Variants in EYA4 observed in about 807,000 individuals in gnomAD.
The protein encoded by EYA4 is protein phosphatase EYA4.
A neutral mutation model predicts 87.9 loss-of-function variants in EYA4; 31 were observed. The observed-to-expected ratio is 0.35, with a 90% CI of 0.27 to 0.48. The LOEUF (loss-of-function observed/expected upper bound fraction) is 0.48, where lower values mean the gene tolerates loss of function less well. EYA4 is among the 20% of genes least tolerant of loss of function. The pLI is 0.99. For synonymous variants in EYA4, 263 were observed against 270.6 expected (o/e 0.97, Z 0.28); for missense variants, 678 against 761.4 (o/e 0.89, Z 1.29).
chr6:133,421,925 T>C (rs2128562024), intron 3 of EYA4, among the ~76,000 whole-genome samples: 1 of 152,346 alleles, frequency 6.6e-6, no homozygotes. Context: ...AATGGGGTTT[T>C]GAAGATATGA....
chr6:133,435,307 T>C (rs1343555227), intron 3 of EYA4: 1 of 152,306 alleles, frequency 6.6e-6, no homozygotes, highest in Non-Finnish European at 1.5e-5. Context: ...TCACTTGCAC[T>C]GCAAGCACTC....
intron 2 of EYA4, among the ~76,000 whole-genome samples, chr6:133,310,788 A>G (rs1181358378): frequency 1.3e-5 from 2 of 152,206 alleles, no homozygotes; most frequent in African/African-American, 2.4e-5. Context: ...CAAAAATCCA[A>G]AAATGGATTT....
At chr6:133,252,427 A>T (rs528508267) in intron 1 of EYA4, among the ~76,000 whole-genome samples, 14 of 152,294 alleles carry the variant, frequency 9.2e-5, no homozygotes, top group Admixed American at 5.2e-4. Context: ...TACATGTAAA[A>T]ACTCTCTTTT....
At chr6:133,443,041 C>T (rs1271483990) in intron 3 of EYA4, among the ~76,000 whole-genome samples, 1 of 151,710 alleles carries the variant, frequency 6.6e-6, no homozygotes, top group African/African-American at 2.4e-5. Flanking sequence ...TAAATATTTT[C>T]TCATCTATGT....
At chr6:133,435,856 C>T (rs111346291) in intron 3 of EYA4, among the ~76,000 whole-genome samples, 21,092 of 151,998 alleles carry the variant, frequency 0.14, 2,239 homozygotes, top group East Asian at 0.31. Context: ...CACACACAGA[C>T]ACAAACATGT....
chr6:133,424,426 T>C (rs1310340007), intron 3 of EYA4, among the ~76,000 whole-genome samples: 3 of 152,112 alleles, frequency 2.0e-5, no homozygotes, highest in African/African-American at 7.2e-5. Flanking sequence ...CTGCCATTCA[T>C]GGCCCTGGTC....
chr6:133,384,259 C>G (rs1786506404), intron 3 of EYA4, among the ~76,000 whole-genome samples: 1 of 152,036 alleles, frequency 6.6e-6, no homozygotes, highest in Non-Finnish European at 1.5e-5. Context: ...TCTTTTTTAT[C>G]TAGAAAATCC....
chr6:133,487,915 G>C (rs1005400873), intron 13 of EYA4, among the ~76,000 whole-genome samples: 6 of 152,138 alleles, frequency 3.9e-5, no homozygotes, highest in Non-Finnish European at 7.3e-5. Flanking sequence ...GTGGGATAGG[G>C]CACCAAGTCG....
At chr6:133,250,603 T>C (rs566250110) in intron 1 of EYA4, among the ~76,000 whole-genome samples, 2 of 151,906 alleles carry the variant, frequency 1.3e-5, no homozygotes, top group Admixed American at 6.6e-5. Flanking sequence ...GATTGCACCA[T>C]TGCACTCCAG....
intron 17 of EYA4, among the ~76,000 whole-genome samples, chr6:133,515,751 GGTT>G (rs1487250088): frequency 6.6e-6 from 1 of 151,890 alleles, no homozygotes; most frequent in Non-Finnish European, 1.5e-5. Context: ...CCCACAGAAT[GGTT>G]ACATGACTTC....
chr6:133,467,163 A>G (rs1285723962), intron 10 of EYA4, among the ~76,000 whole-genome samples: 1 of 152,148 alleles, frequency 6.6e-6, no homozygotes, highest in African/African-American at 2.4e-5. Flanking sequence ...CCCAGTGGGG[A>G]ATAGCCTGGA....
At chr6:133,468,386 A>G (rs1795030294) in intron 10 of EYA4, among the ~76,000 whole-genome samples, 180 bp from the exon 11 acceptor site, 1 of 152,060 alleles carries the variant, frequency 6.6e-6, no homozygotes, top group Admixed American at 6.6e-5. Flanking sequence ...TCACTACTAT[A>G]TGTTTGTAAG....
chr6:133,254,148 AT>A (rs1775151020), intron 1 of EYA4, among the ~76,000 whole-genome samples: 1 of 152,132 alleles, frequency 6.6e-6, no homozygotes, highest in African/African-American at 2.4e-5. Flanking sequence ...GTACATTGGT[AT>A]TTTCAATAAA....
intron 3 of EYA4, among the ~76,000 whole-genome samples, chr6:133,385,438 TGTGAGA>T (rs1197276337): frequency 1.5e-3 from 171 of 110,726 alleles, no homozygotes; most frequent in African/African-American, 4.7e-3. Flanking sequence ...TGTGTGTGTG[TGTGAGA>T]GAGAGAGAGA....
intron 13 of EYA4, among the ~76,000 whole-genome samples, chr6:133,493,794 T>C (rs1039621337): frequency 6.6e-5 from 10 of 152,200 alleles, no homozygotes; most frequent in Non-Finnish European, 1.2e-4. Context: ...TGAATAGATA[T>C]TTCTCAGAAG....
At chr6:133,335,357 T>G (rs1340825055) in intron 2 of EYA4, among the ~76,000 whole-genome samples, 1 of 152,224 alleles carries the variant, frequency 6.6e-6, no homozygotes, top group East Asian at 1.9e-4. Context: ...GTCCTAAACA[T>G]AAGTGAAAAT....
At chr6:133,491,482 C>G (rs897748990) in intron 13 of EYA4, among the ~76,000 whole-genome samples, 2 of 152,136 alleles carry the variant, frequency 1.3e-5, no homozygotes, top group East Asian at 3.9e-4. Context: ...TACAACTATA[C>G]TTCAGAAATT....
At chr6:133,364,123 A>C (rs1374467807) in intron 2 of EYA4, among the ~76,000 whole-genome samples, 1 of 152,176 alleles carries the variant, frequency 6.6e-6, no homozygotes, top group Non-Finnish European at 1.5e-5. Flanking sequence ...ACAATCAAGG[A>C]AGTGCTCTTA....
At chr6:133,338,004 G>A (rs995174587) in intron 2 of EYA4, among the ~76,000 whole-genome samples, 5 of 152,102 alleles carry the variant, frequency 3.3e-5, no homozygotes, top group East Asian at 1.9e-4. Flanking sequence ...CTCTGTTTTC[G>A]GCCAGATGCA....
Sources: gnomAD v4.1 joint callset for allele counts (sites outside exome capture counted in the v4.1 genomes callset) on GRCh38, gnomAD v4.1.1 for gene constraint, MANE v1.5 for transcripts, NCBI Gene and HGNC (gene_info 2026-07-23, HGNC 2026-07-21) for gene names.